The following NIPBL variants were observed in gnomAD, a reference collection of about 807,000 sequenced individuals.
NIPBL encodes the protein nipped-B-like protein.
A neutral mutation model predicts 321.8 loss-of-function variants in NIPBL; 19 were observed. That is an observed-to-expected ratio of 0.06 (90% confidence interval 0.04 to 0.09). NIPBL has a LOEUF of 0.09. Among genes scored for constraint, NIPBL ranks in the 10% least tolerant of loss-of-function variants. The pLI is 1.00. For missense variants in NIPBL, 2,210 were observed against 3,327.0 expected, an observed-to-expected ratio of 0.66 and a Z score of 8.26; for synonymous variants, 1,106 against 1,114.1, an observed-to-expected ratio of 0.99 and a Z score of 0.14.
At chr5:37,051,513 G>A (rs1057449740) in intron 40 of NIPBL, 1 of 499,768 alleles carries the variant, frequency 2.0e-6, no homozygotes, top group African/African-American at 1.9e-5. Context: ...GTGTGAGAAT[G>A]CTTTATGTTT....
Position 37,065,112 on chromosome 5 carries a change from A to AT in NIPBL, c.*222dup. On this transcript the variant is annotated 3_prime_UTR_variant, in exon 47 of 47. Coordinates refer to ENST00000282516, the MANE Select transcript of NIPBL (RefSeq NM_133433.4). ...CTCAGTTCATTTTTACTCCCACTGT[A>AT]TTATAGTTTAACAAAAATTGTTTAT... The AT allele has an allele frequency of 1.7e-6, 1 of 572,156 alleles. No individual in the cohort carries two copies. Among genetic ancestry groups the AT allele is most frequent in the Non-Finnish European group, 3.1e-6 (1 of 326,662 alleles). The allele number at this position is 572,156 out of a possible 1,614,324, so 35.4% of individuals were successfully genotyped here. A position where few individuals can be genotyped will look rare whatever the true frequency, so the allele number is the denominator to read the frequency against.
intron 1 of NIPBL, among the ~76,000 whole-genome samples, chr5:36,909,796 G>T (rs1314211989): frequency 6.6e-6 from 1 of 152,060 alleles, no homozygotes. Flanking sequence ...GAACAGTATG[G>T]GCCATGCACA....
Position 37,038,471 on chromosome 5 carries a change from A to G in NIPBL, c.5972-131A>G, listed in dbSNP as rs373088849. The G allele has an allele frequency of 1.7e-3, 1,141 of 681,802 alleles. 25 individuals are homozygous for G. The South Asian group carries it at 0.022, about 13-fold the overall frequency. 42.2% of individuals were successfully genotyped at this position (681,802 alleles called of 1,614,324 possible). A position where few individuals can be genotyped will look rare whatever the true frequency, so the allele number is the denominator to read the frequency against. ...GAGAAAGTCTAGTATCATAAGAACT[A>G]CTAATTCATTATATTGAGGCCTATA... On this transcript the variant is annotated intron_variant, in intron 33 of 46. Coordinates refer to ENST00000282516, the MANE Select transcript of NIPBL (RefSeq NM_133433.4).
chr5:36,929,394 C>T (rs1749607836), intron 1 of NIPBL, among the ~76,000 whole-genome samples: 2 of 151,916 alleles, frequency 1.3e-5, no homozygotes, highest in Admixed American at 1.3e-4. Flanking sequence ...GTTCTTTGCC[C>T]ATTTTCAAAG....
intron 27 of NIPBL, among the ~76,000 whole-genome samples, chr5:37,021,276 G>A (rs939937783): frequency 6.6e-6 from 1 of 152,140 alleles, no homozygotes; most frequent in African/African-American, 2.4e-5. Context: ...TCCAGCCTGG[G>A]CAACAAGAGG....
chr5:36,916,537 C>T (rs1748473259), intron 1 of NIPBL, among the ~76,000 whole-genome samples: 1 of 152,120 alleles, frequency 6.6e-6, no homozygotes, highest in Non-Finnish European at 1.5e-5. Flanking sequence ...TTCTAGGGTA[C>T]ATGTGCACAA....
At chr5:37,000,154 C>CT (rs1746619928) in intron 11 of NIPBL, among the ~76,000 whole-genome samples, 1 of 152,104 alleles carries the variant, frequency 6.6e-6, no homozygotes, top group South Asian at 2.1e-4. Context: ...GCAGTAAACA[C>CT]TGAGTTCATG....
In NIPBL at chr5:37,048,536, C is replaced by A; in HGVS notation, c.6624C>A (p.Phe2208Leu). ...TTATTCAGCATCCAAGTCTAATGTT[C>A]GAGCAAGAAGTGAAGAATCTATATA... ...FAFIQHPSLM[F>L]EQEVKNLYNN... Residue 2208 changes from phenylalanine (F) to leucine (L), a missense_variant, in exon 39 of 47, where the codon TTC (phenylalanine) becomes TTA (leucine). Physicochemically the swap from Phe to Leu is conservative, Grantham distance 22. Transcript: ENST00000282516. 2 of 1,584,056 alleles carry A rather than the reference C, an allele frequency of 1.3e-6. No homozygotes were observed. The highest frequency in any genetic ancestry group is 1.2e-5 in the South Asian group (1 of 83,874).
intron 30 of NIPBL, among the ~76,000 whole-genome samples, chr5:37,025,273 G>C (rs1750128634): frequency 6.6e-6 from 1 of 152,052 alleles, no homozygotes; most frequent in African/African-American, 2.4e-5. Flanking sequence ...TGTGTGTGTT[G>C]ATTGATTTAT....
intron 14 of NIPBL, among the ~76,000 whole-genome samples, chr5:37,002,035 A>T (rs1746868549): frequency 6.6e-6 from 1 of 152,178 alleles, no homozygotes; most frequent in African/African-American, 2.4e-5. Flanking sequence ...CTCTCAAAAT[A>T]GGATAATATG....
Position 37,049,263 on chromosome 5 carries a change from G to A in NIPBL, c.6916G>A (p.Ala2306Thr). Residue 2306 changes from alanine (A) to threonine (T), a missense_variant, in exon 40 of 47, where the codon GCA becomes ACA. Ala to Thr is a moderately conservative substitution (Grantham distance 58, BLOSUM62 0). Transcript: ENST00000282516. ...SVRHFALNVI[A>T]LTLNQGLIHP... Reference sequence around the variant, plus strand: ...ACGCCACTTTGCCCTAAATGTCATTGCATTGACTCTAAATCAAGGTCTTAT... The same window carrying A: ...ACGCCACTTTGCCCTAAATGTCATTACATTGACTCTAAATCAAGGTCTTAT... The A allele has an allele frequency of 6.2e-7, 1 of 1,614,088 alleles. No homozygotes were observed. The highest frequency in any genetic ancestry group is 1.7e-5 in the Admixed American group (1 of 60,010).
chr5:36,957,021 T>C (rs1741041940), intron 3 of NIPBL, among the ~76,000 whole-genome samples: 1 of 152,110 alleles, frequency 6.6e-6, no homozygotes, highest in African/African-American at 2.4e-5. Flanking sequence ...TAAGGACTTA[T>C]TTTATGGAGA....
chr5:36,979,568 G>A (rs1422414656), intron 9 of NIPBL, among the ~76,000 whole-genome samples: 1 of 151,650 alleles, frequency 6.6e-6, no homozygotes, highest in Non-Finnish European at 1.5e-5. Context: ...CTATTTGGAT[G>A]CCTAATATTC....
chr5:36,997,726 C>T (rs1746300532), intron 11 of NIPBL, among the ~76,000 whole-genome samples: 1 of 152,084 alleles, frequency 6.6e-6, no homozygotes, highest in Admixed American at 6.6e-5. Context: ...ACACTGGAGG[C>T]ACCGATTTGA....
At chr5:37,013,581 C>T (rs1748520226) in intron 21 of NIPBL, among the ~76,000 whole-genome samples, 1 of 151,436 alleles carries the variant, frequency 6.6e-6, no homozygotes, top group Non-Finnish European at 1.5e-5. Flanking sequence ...GGTGGCAGGG[C>T]AGAGGTGCTC....
At chr5:37,003,416 C>G in intron 16 of NIPBL, 69 bp downstream of exon 16, 1 of 873,290 alleles carries the variant, frequency 1.1e-6, no homozygotes, top group Non-Finnish European at 1.9e-6. Flanking sequence ...TCCCCCACTT[C>G]TCTATTGTTT....
chr5:37,040,575 C>T (rs2149723954), intron 34 of NIPBL, among the ~76,000 whole-genome samples: 1 of 152,160 alleles, frequency 6.6e-6, no homozygotes, highest in South Asian at 2.1e-4. Flanking sequence ...TTATGGATGT[C>T]CTATGATTTA....
rs370998843 is a variant in NIPBL, at chr5:36,982,250, A to G, written c.1496-2426A>G. On this transcript the variant is annotated intron_variant, in intron 9 of 46. Coordinates refer to ENST00000282516, the MANE Select transcript of NIPBL (RefSeq NM_133433.4). ...AATCACTGTCCTAAATACCAAAATG[A>G]TTCTTCATAGAGATGGCTTTCCATG... 24 of 974,512 alleles carry G rather than the reference A, an allele frequency of 2.5e-5. No individual in the cohort carries two copies. The East Asian group carries it at 1.8e-3, about 74-fold the overall frequency. The allele number at this position is 974,512 out of a possible 1,614,324, so 60.4% of individuals were successfully genotyped here. A position where few individuals can be genotyped will look rare whatever the true frequency, so the allele number is the denominator to read the frequency against.
rs866870445 is a variant in NIPBL, at chr5:36,956,449, C to T, written c.230+812C>T. 1.6e-4 allele frequency among the ~76,000 whole-genome samples: 25 copies of T among 151,616 alleles called. No individual in the cohort carries two copies. In the Middle Eastern group the frequency reaches 0.01, roughly 62 times the overall value. ...AATGGAGAGATATCTACATTAGATG[C>T]GGTACATATTTTTGGGGCATTTTTA... On this transcript the variant is annotated intron_variant, in intron 3 of 46. Transcript: ENST00000282516.
Sources: allele counts gnomAD v4.1 joint callset (sites outside exome capture counted in the v4.1 genomes callset), GRCh38; gene constraint gnomAD v4.1.1; transcripts MANE v1.5; gene names NCBI Gene and HGNC (gene_info 2026-07-23, HGNC 2026-07-21).